The following GPR158 variants were observed in gnomAD, a reference collection of about 807,000 sequenced individuals.
GPR158 encodes G protein-coupled receptor 158.
A neutral mutation model predicts 78.2 loss-of-function variants in GPR158; 30 were observed. The observed-to-expected ratio is 0.38, with a 90% CI of 0.29 to 0.52. The LOEUF (loss-of-function observed/expected upper bound fraction) is 0.52. Among genes scored for constraint, GPR158 ranks in the 20% least tolerant of loss-of-function variants. The probability of loss-of-function intolerance (pLI) is 0.83; values close to 1 mark genes in which losing one functional copy is unlikely to be tolerated. For synonymous variants in GPR158, 581 were observed against 591.1 expected (o/e 0.98, Z 0.25); for missense variants, 1,463 against 1,523.5 (o/e 0.96, Z 0.66).
chr10:25,246,781 T>G (rs566920171), intron 2 of GPR158, among the ~76,000 whole-genome samples: 1 of 152,204 alleles, frequency 6.6e-6, no homozygotes, highest in Non-Finnish European at 1.5e-5. Flanking sequence ...CACTGCTTTA[T>G]GCAGCTGATT....
At position 25,597,887 on chromosome 10, in the gene GPR158, T is replaced by C; in HGVS notation, c.2261T>C (p.Ile754Thr). The C allele has an allele frequency of 6.2e-7, 1 of 1,605,438 alleles. No individual in the cohort carries two copies. The highest frequency in any genetic ancestry group is 8.5e-7 in the Non-Finnish European group (1 of 1,176,412). Reference sequence around the variant, plus strand: ...TCGAAGAAGGGCCTAGGTCGTTCCATCATGAGACGCATTACGGAGATCCCA... The same window carrying C: ...TCGAAGAAGGGCCTAGGTCGTTCCACCATGAGACGCATTACGGAGATCCCA... ...RCSKKGLGRS[I>T]MRRITEIPET... Residue 754 changes from isoleucine (I) to threonine (T), a missense_variant, in exon 11 of 11, where the codon ATC (isoleucine) becomes ACC (threonine). By Grantham distance (89) the Ile-to-Thr change is moderately conservative (BLOSUM62 -1). Transcript: ENST00000376351.
rs926918718 is a variant in GPR158, at chr10:25,551,145, A to G, written c.1514+60A>G. ...AAGATCAAACTAATCAGCTTGGCAC[A>G]TAATTGTTAGCTGGGCTGACCACTT... On this transcript the variant is annotated intron_variant, in intron 6 of 10. Transcript: ENST00000376351. The G allele has an allele frequency of 1.8e-5, 17 of 965,594 alleles. No homozygotes were observed. The African/African-American group carries it at 2.6e-4, about 15-fold the overall frequency. The allele number at this position is 965,594 out of a possible 1,614,324, so 59.8% of individuals were successfully genotyped here. A position where few individuals can be genotyped will look rare whatever the true frequency, so the allele number is the denominator to read the frequency against.
rs12572087 is a variant in GPR158 at position 25,332,391 on chromosome 10, G to A, written c.1009-63520G>A. The stretch of plus-strand genomic sequence containing the variant: ...TCCTTTTTGGTTTGTAGCCTATGAT[G>A]TTGGTTTACTTGGAATAAAATCTAG... On this transcript the variant is annotated intron_variant, in intron 2 of 10. Transcript: ENST00000376351. Among the ~76,000 whole-genome samples, 1,656 of 152,262 alleles carry A rather than the reference G, an allele frequency of 0.011. 96 individuals are homozygous for A. The East Asian group carries it at 0.18, about 17-fold the overall frequency.
chr10:25,316,104 G>T (rs1854844178), intron 2 of GPR158, among the ~76,000 whole-genome samples: 1 of 152,154 alleles, frequency 6.6e-6, no homozygotes, highest in South Asian at 2.1e-4. Flanking sequence ...TGTGATGTCA[G>T]TCTAATTCTC....
intron 2 of GPR158, among the ~76,000 whole-genome samples, chr10:25,278,705 A>G (rs112176986): frequency 0.012 from 1,780 of 151,908 alleles, 37 homozygotes; most frequent in African/African-American, 0.041. Context: ...GAGACTTACT[A>G]TCTTCAAAGT....
At chr10:25,433,548 TGTG>T (rs1367364531) in intron 4 of GPR158, among the ~76,000 whole-genome samples, 2 of 54,968 alleles carry the variant, frequency 3.6e-5, no homozygotes, top group East Asian at 2.5e-4. Context: ...GTGTGTGTGT[TGTG>T]TGTGTGTGTG....
At chr10:25,283,428 C>A (rs1366623847) in intron 2 of GPR158, among the ~76,000 whole-genome samples, 1 of 151,938 alleles carries the variant, frequency 6.6e-6, no homozygotes. Context: ...CTGAAGATTG[C>A]AAATTCTTTT....
intron 3 of GPR158, among the ~76,000 whole-genome samples, chr10:25,410,885 CA>C (rs1834574130): frequency 6.6e-6 from 1 of 152,064 alleles, no homozygotes; most frequent in Non-Finnish European, 1.5e-5. Flanking sequence ...ACAAAGCAGA[CA>C]AATACATTAT....
At chr10:25,214,470 C>G (rs767964943) in intron 1 of GPR158, among the ~76,000 whole-genome samples, 22 of 152,054 alleles carry the variant, frequency 1.4e-4, no homozygotes, top group Non-Finnish European at 3.1e-4. Context: ...ATAACCATGG[C>G]AAAATTATCA....
intron 2 of GPR158, among the ~76,000 whole-genome samples, chr10:25,383,842 C>CT (rs1163955374): frequency 2.0e-5 from 3 of 152,146 alleles, no homozygotes; most frequent in Non-Finnish European, 4.4e-5. Flanking sequence ...TTCTGTGAGC[C>CT]TATACTTCCT....
intron 5 of GPR158, among the ~76,000 whole-genome samples, chr10:25,517,278 C>T (rs1836191239): frequency 6.6e-6 from 1 of 150,980 alleles, no homozygotes; most frequent in Non-Finnish European, 1.5e-5. Flanking sequence ...TGGGCTGAGA[C>T]AATGGGGTTT....
intron 4 of GPR158, among the ~76,000 whole-genome samples, chr10:25,422,553 A>T (rs949351725): frequency 6.6e-6 from 1 of 151,816 alleles, no homozygotes; most frequent in African/African-American, 2.4e-5. Context: ...GCTGCTTTAT[A>T]TAACAAAATT....
chr10:25,287,955 C>T (rs1731825034), intron 2 of GPR158, among the ~76,000 whole-genome samples: 1 of 150,530 alleles, frequency 6.6e-6, no homozygotes, highest in Admixed American at 6.6e-5. Context: ...ATCTGCAAAT[C>T]ACCAAGTCCT....
At chr10:25,579,017 AT>A (rs1386412332) in intron 7 of GPR158, among the ~76,000 whole-genome samples, 4 of 147,346 alleles carry the variant, frequency 2.7e-5, no homozygotes, top group Non-Finnish European at 5.9e-5. Flanking sequence ...CTCAAAAAAA[AT>A]AAAATAAAAA....
chr10:25,384,293 G>C (rs1238949166), intron 2 of GPR158, among the ~76,000 whole-genome samples: 1 of 152,080 alleles, frequency 6.6e-6, no homozygotes, highest in Admixed American at 6.5e-5. Context: ...CTAAGCATAA[G>C]AACTCAAAAA....
intron 2 of GPR158, among the ~76,000 whole-genome samples, chr10:25,318,903 G>T (rs1047986198): frequency 6.6e-6 from 1 of 152,128 alleles, no homozygotes; most frequent in Non-Finnish European, 1.5e-5. Flanking sequence ...TGTGTGTCCT[G>T]CCTTTGAAAT....
At chr10:25,514,789 T>C (rs941063911) in intron 5 of GPR158, among the ~76,000 whole-genome samples, 11 of 152,306 alleles carry the variant, frequency 7.2e-5, no homozygotes, top group Middle Eastern at 3.4e-3. Context: ...TTTTGCTGGA[T>C]ACAAAATTCT....
At chr10:25,190,963 A>G (rs1324975316) in intron 1 of GPR158, among the ~76,000 whole-genome samples, 1 of 152,246 alleles carries the variant, frequency 6.6e-6, no homozygotes, top group Admixed American at 6.5e-5. Flanking sequence ...GGCTTCTGAA[A>G]AGAAAGATGA....
At chr10:25,215,722 C>T (rs1264922401) in intron 1 of GPR158, among the ~76,000 whole-genome samples, 1 of 152,128 alleles carries the variant, frequency 6.6e-6, no homozygotes, top group African/African-American at 2.4e-5. Flanking sequence ...GTAGTCCCAG[C>T]TACTCAGGAG....
Sources: allele counts gnomAD v4.1 joint callset (sites outside exome capture counted in the v4.1 genomes callset), GRCh38; gene constraint gnomAD v4.1.1; transcripts MANE v1.5; gene names NCBI Gene and HGNC (gene_info 2026-07-23, HGNC 2026-07-21).